ASTN2: variants seen among roughly 807,000 people sequenced by gnomAD.
The protein encoded by ASTN2 is astrotactin 2.
ASTN2 carries 54 observed loss-of-function variants against 139.8 expected under a neutral mutation model. The ratio of observed to expected loss-of-function variants is 0.39; its 90% CI spans 0.31 to 0.48. ASTN2 has a LOEUF of 0.48. ASTN2 is among the 20% of genes least tolerant of loss of function. The probability of loss-of-function intolerance (pLI) is 0.95; values close to 1 mark genes in which losing one functional copy is unlikely to be tolerated. For missense variants in ASTN2, 1,565 were observed against 1,725.1 expected (o/e 0.91, Z 1.64); for synonymous variants, 756 against 719.5 (o/e 1.05, Z -0.81).
At chr9:117,022,131 T>G (rs1461881939) in intron 6 of ASTN2, among the ~76,000 whole-genome samples, 1 of 152,146 alleles carries the variant, frequency 6.6e-6, no homozygotes, top group Non-Finnish European at 1.5e-5. Flanking sequence ...CACATGGATA[T>G]ATACACATCA....
intron 3 of ASTN2, among the ~76,000 whole-genome samples, chr9:117,212,656 A>T (rs1832176055): frequency 6.6e-6 from 1 of 152,234 alleles, no homozygotes; most frequent in Admixed American, 6.5e-5. Context: ...CTCAAAAGAC[A>T]TACAAGTGAC....
At chr9:116,647,497 T>C (rs1588137662) in intron 17 of ASTN2, among the ~76,000 whole-genome samples, 1 of 152,144 alleles carries the variant, frequency 6.6e-6, no homozygotes, top group South Asian at 2.1e-4. Context: ...ATAAGTTGAA[T>C]ATTTCAATGA....
chr9:117,204,301 C>T (rs1317721602), intron 3 of ASTN2, among the ~76,000 whole-genome samples: 1 of 152,162 alleles, frequency 6.6e-6, no homozygotes, highest in Non-Finnish European at 1.5e-5. Flanking sequence ...TCATGTGATC[C>T]ACCTGCCTCA....
intron 13 of ASTN2, among the ~76,000 whole-genome samples, chr9:116,739,030 ACAC>A (rs1829022569): frequency 6.6e-6 from 1 of 152,022 alleles, no homozygotes; most frequent in Admixed American, 6.6e-5. Flanking sequence ...ACACACACAC[ACAC>A]AAACACACAG....
intron 2 of ASTN2, among the ~76,000 whole-genome samples, chr9:117,273,409 C>A (rs1834111485): frequency 6.6e-6 from 1 of 152,152 alleles, no homozygotes; most frequent in Non-Finnish European, 1.5e-5. Context: ...AGTTTTCCCT[C>A]CTGAACCTCA....
At chr9:116,593,956 G>A (rs1854470671) in intron 19 of ASTN2, among the ~76,000 whole-genome samples, 1 of 152,134 alleles carries the variant, frequency 6.6e-6, no homozygotes, top group African/African-American at 2.4e-5. Context: ...GTTCCAATGT[G>A]AGTTCAAACT....
intron 3 of ASTN2, among the ~76,000 whole-genome samples, chr9:117,148,971 C>A (rs977430392): frequency 5.3e-5 from 8 of 151,930 alleles, no homozygotes; most frequent in African/African-American, 1.7e-4. Context: ...CCAGCCTCCA[C>A]AATGACATGA....
At chr9:117,235,746 T>A (rs1833026387) in intron 2 of ASTN2, among the ~76,000 whole-genome samples, 1 of 152,140 alleles carries the variant, frequency 6.6e-6, no homozygotes, top group Non-Finnish European at 1.5e-5. Flanking sequence ...AGATAATATT[T>A]CAATGCAACT....
intron 19 of ASTN2, among the ~76,000 whole-genome samples, chr9:116,524,894 A>G (rs2119255321): frequency 6.6e-6 from 1 of 152,284 alleles, no homozygotes; most frequent in South Asian, 2.1e-4. Context: ...AAGCTCCAAC[A>G]AAAAGAGAAC....
intron 6 of ASTN2, among the ~76,000 whole-genome samples, chr9:117,024,552 G>C (rs1030963463): frequency 4.5e-4 from 68 of 152,012 alleles, no homozygotes; most frequent in African/African-American, 1.6e-3. Context: ...AGTAGTGTAT[G>C]GTTCAATTGA....
chr9:117,163,264 T>C (rs1040074004), intron 3 of ASTN2, among the ~76,000 whole-genome samples: 2 of 152,024 alleles, frequency 1.3e-5, no homozygotes, highest in African/African-American at 4.8e-5. Context: ...GGTTGGCAAA[T>C]ATATGGCATT....
At position 116,517,399 on chromosome 9, in the gene ASTN2, G is replaced by A. The variant is rs576635390; in HGVS notation, c.3356-29899C>T. Reference sequence around the variant, plus strand: ...CTCTGCTGGGTGGCTAGACTCATAAGAGCAAAACAATCACTACATTTCAGC... The same window carrying A: ...CTCTGCTGGGTGGCTAGACTCATAAAAGCAAAACAATCACTACATTTCAGC... On this transcript the variant is annotated intron_variant, in intron 19 of 22. Coordinates refer to ENST00000313400, the MANE Select transcript of ASTN2 (RefSeq NM_001365068.1). 1.4e-4 allele frequency among the ~76,000 whole-genome samples: 21 copies of A among 152,286 alleles called. No individual in the cohort carries two copies. In the South Asian group the frequency reaches 3.5e-3, roughly 26 times the overall value.
At chr9:116,870,741 G>T (rs889828940) in intron 10 of ASTN2, among the ~76,000 whole-genome samples, 2 of 152,158 alleles carry the variant, frequency 1.3e-5, no homozygotes, top group Admixed American at 6.5e-5. Context: ...CTGATGCAGG[G>T]TGAGCATTAG....
chr9:116,896,817 G>T (rs953222632), intron 10 of ASTN2, among the ~76,000 whole-genome samples: 4 of 152,112 alleles, frequency 2.6e-5, no homozygotes, highest in Admixed American at 2.6e-4. Flanking sequence ...TTACCATCAT[G>T]AGAACAGCAT....
intron 19 of ASTN2, among the ~76,000 whole-genome samples, chr9:116,568,025 G>A (rs187615420): frequency 1.2e-3 from 189 of 152,256 alleles, no homozygotes; most frequent in Non-Finnish European, 1.8e-3. Flanking sequence ...GTAAAGATGC[G>A]ATTAAACAGC....
At chr9:117,364,996 CACAA>C (rs1214023791) in intron 1 of ASTN2, among the ~76,000 whole-genome samples, 1,456 of 129,472 alleles carry the variant, frequency 0.011, 25 homozygotes, top group East Asian at 0.036. Flanking sequence ...CACACACACA[CACAA>C]AATCAGCCAT....
At chr9:116,909,546 C>T (rs1227665479) in intron 10 of ASTN2, among the ~76,000 whole-genome samples, 1 of 152,152 alleles carries the variant, frequency 6.6e-6, no homozygotes, top group South Asian at 2.1e-4. Context: ...TGTCCATTAG[C>T]TGTCCAAATG....
In ASTN2 at chr9:116,805,798, C is replaced by T; in HGVS notation, c.2230G>A (p.Ala744Thr). ...ATTAAGCAGGATTTTCCATCAGGAG[C>T]CAGTTTGTACTCCTCCACGCAACTG... The part of the protein sequence containing the change: ...FCGCVEEYKL[A>T]PDGKSCLMLS... The change falls in exon 13 of 23, where the codon GCT becomes ACT. Residue 744 changes from alanine to threonine, a missense_variant. Coordinates refer to ENST00000313400, the MANE Select transcript of ASTN2 (RefSeq NM_001365068.1). The T allele has an allele frequency of 6.2e-7, 1 of 1,613,734 alleles. No homozygotes were observed. Among genetic ancestry groups the T allele is most frequent in the Non-Finnish European group, 8.5e-7 (1 of 1,179,762 alleles).
At chr9:117,197,132 T>C (rs1433256426) in intron 3 of ASTN2, 1 of 152,204 alleles carries the variant, frequency 6.6e-6, no homozygotes, top group Non-Finnish European at 1.5e-5. Context: ...GTGAGGGCAA[T>C]CTGGCTGTGA....
Sources: allele counts gnomAD v4.1 joint callset (sites outside exome capture counted in the v4.1 genomes callset), GRCh38; gene constraint gnomAD v4.1.1; transcripts MANE v1.5; gene names NCBI Gene and HGNC (gene_info 2026-07-23, HGNC 2026-07-21).